Variants in RIMS2 observed in about 807,000 individuals in gnomAD.
RIMS2 encodes the protein regulating synaptic membrane exocytosis protein 2.
Under a neutral mutation model 174.4 loss-of-function variants are expected in RIMS2, and 59 were observed. That is an observed-to-expected ratio of 0.34 (90% CI 0.27 to 0.42). RIMS2 has a LOEUF of 0.42. Ranked by LOEUF, RIMS2 falls within the 10% of genes least tolerant of loss-of-function variation. RIMS2 has a pLI of 1.00. For missense variants in RIMS2, 1,620 were observed against 1,666.3 expected (o/e 0.97, Z 0.48); for synonymous variants, 606 against 572.5 (o/e 1.06, Z -0.84).
At chr8:104,244,861 T>C in intron 19 of RIMS2, 55 bp from the exon 26 acceptor site, 1 of 1,467,608 alleles carries the variant, frequency 6.8e-7, no homozygotes, top group Non-Finnish European at 9.5e-7. Flanking sequence ...TCGCTGATAT[T>C]TCTTACCACA....
chr8:103,759,161 A>G (rs886069332), intron 2 of RIMS2, among the ~76,000 whole-genome samples: 6 of 151,984 alleles, frequency 3.9e-5, no homozygotes, highest in Admixed American at 6.6e-5. Flanking sequence ...GGCATCTTTT[A>G]CTCTTATTAT....
chr8:104,223,910 C>T, intron 19 of RIMS2: 1 of 804,894 alleles, frequency 1.2e-6, no homozygotes, highest in Non-Finnish European at 1.9e-6. Context: ...CTCTGCTCTC[C>T]GGGACTGTGC....
At chr8:103,700,342 C>A (rs967760703) in intron 2 of RIMS2, among the ~76,000 whole-genome samples, 2 of 151,808 alleles carry the variant, frequency 1.3e-5, no homozygotes, top group African/African-American at 4.8e-5. Flanking sequence ...TGGTAATATT[C>A]TTTGCTCTAA....
intron 19 of RIMS2, among the ~76,000 whole-genome samples, chr8:104,043,124 T>G (rs1226145735): frequency 6.6e-6 from 1 of 151,538 alleles, no homozygotes; most frequent in African/African-American, 2.4e-5. Context: ...AACTAGACAG[T>G]AATGATCTTT....
At chr8:103,699,947 T>C (rs1029397261) in intron 2 of RIMS2, among the ~76,000 whole-genome samples, 1 of 152,204 alleles carries the variant, frequency 6.6e-6, no homozygotes, top group Non-Finnish European at 1.5e-5. Flanking sequence ...ATACTTTATA[T>C]GCCTCAAATT....
At chr8:103,657,438 A>T (rs1231488797) in intron 1 of RIMS2, among the ~76,000 whole-genome samples, 1 of 152,160 alleles carries the variant, frequency 6.6e-6, no homozygotes, top group East Asian at 1.9e-4. Flanking sequence ...TCCTCTATAT[A>T]ATGAGTTCTA....
chr8:103,989,546 C>G (rs2094558028), intron 17 of RIMS2, 125 bp downstream of exon 19: 7 of 544,798 alleles, frequency 1.3e-5, no homozygotes, highest in South Asian at 5.7e-5. Flanking sequence ...TTTTCTCTTA[C>G]AACGCTTACA....
chr8:103,513,612 C>A (rs1319000298), intron 1 of RIMS2, among the ~76,000 whole-genome samples: 1 of 152,106 alleles, frequency 6.6e-6, no homozygotes, highest in Non-Finnish European at 1.5e-5. Context: ...CCCAGACTTA[C>A]ACAAAAATAA....
intron 1 of RIMS2, among the ~76,000 whole-genome samples, chr8:103,668,042 C>A (rs139754662): frequency 6.6e-6 from 1 of 152,156 alleles, no homozygotes; most frequent in African/African-American, 2.4e-5. Flanking sequence ...GGTGAAAATA[C>A]ACTTTGGCAT....
intron 1 of RIMS2, among the ~76,000 whole-genome samples, chr8:103,617,843 G>C (rs561783066): frequency 1.3e-5 from 2 of 152,230 alleles, no homozygotes; most frequent in African/African-American, 2.4e-5. Flanking sequence ...TTACTGAAAA[G>C]TCAAAAAATA....
At chr8:103,616,732 C>T (rs1564030132) in intron 1 of RIMS2, among the ~76,000 whole-genome samples, 1 of 151,956 alleles carries the variant, frequency 6.6e-6, no homozygotes, top group Non-Finnish European at 1.5e-5. Context: ...CCAACAATAA[C>T]CAATCTGAGA....
chr8:104,014,366 GT>G, intron 18 of RIMS2, 139 bp from the exon 21 acceptor site: 1 of 522,868 alleles, frequency 1.9e-6, no homozygotes, highest in Non-Finnish European at 3.4e-6. Context: ...TCCATATTTT[GT>G]CCAGTTTTCC....
rs1337991264 is a variant in RIMS2, at chr8:103,934,167, CA to C, written c.2376-2381del. On this transcript the variant is annotated intron_variant, in intron 12 of 23. Coordinates refer to ENST00000504942, the Ensembl canonical transcript of RIMS2. ...TTACTAAATTACATTTAATGGAAAC[CA>C]AAGTCCTAGTAACGTGAAAATAAAT... Among the ~76,000 whole-genome samples the C allele has an allele frequency of 4.6e-5, 7 of 151,880 alleles. 1 individual carries two copies. In the East Asian group the frequency reaches 7.7e-4, roughly 17 times the overall value.
At chr8:103,771,039 G>A (rs2098247581) in intron 3 of RIMS2, among the ~76,000 whole-genome samples, 1 of 152,158 alleles carries the variant, frequency 6.6e-6, no homozygotes, top group South Asian at 2.1e-4. Flanking sequence ...ATAACATGAT[G>A]TAGTAGTTTT....
At chr8:103,748,892 C>T (rs1182639831) in intron 2 of RIMS2, among the ~76,000 whole-genome samples, 1 of 152,032 alleles carries the variant, frequency 6.6e-6, no homozygotes, top group Non-Finnish European at 1.5e-5. Context: ...CCTCCGCCTC[C>T]CAGGTTCAAG....
At chr8:104,216,747 C>T (rs891516294) in intron 19 of RIMS2, among the ~76,000 whole-genome samples, 1 of 152,200 alleles carries the variant, frequency 6.6e-6, no homozygotes, top group Non-Finnish European at 1.5e-5. Context: ...GTGTTAGCCA[C>T]TATTCCACTA....
At chr8:104,049,554 A>G (rs556758638) in intron 19 of RIMS2, among the ~76,000 whole-genome samples, 1 of 152,312 alleles carries the variant, frequency 6.6e-6, no homozygotes, top group Non-Finnish European at 1.5e-5. Flanking sequence ...AAAACAAGAA[A>G]TTAGAAGGCC....
intron 19 of RIMS2, chr8:104,223,448 T>A (rs2099165902): frequency 2.2e-6 from 3 of 1,371,876 alleles, no homozygotes; most frequent in Admixed American, 3.5e-5. Flanking sequence ...TCTGGACCCC[T>A]CTCCAATAAA....
chr8:104,175,584 T>C (rs2098882532), intron 19 of RIMS2, among the ~76,000 whole-genome samples: 1 of 152,170 alleles, frequency 6.6e-6, no homozygotes, highest in Non-Finnish European at 1.5e-5. Context: ...ACTTCCCTTT[T>C]CAACAGCTTT....
Sources: gnomAD v4.1 joint callset for allele counts (sites outside exome capture counted in the v4.1 genomes callset) on GRCh38, gnomAD v4.1.1 for gene constraint, MANE v1.5 for transcripts, NCBI Gene and HGNC (gene_info 2026-07-23, HGNC 2026-07-21) for gene names.